The following TSPAN9 variants were observed in gnomAD, a reference collection of about 807,000 sequenced individuals.
TSPAN9 encodes the protein tetraspanin-9.
In TSPAN9, 16 loss-of-function variants were observed where a neutral mutation model predicts 31.0. The ratio of observed to expected loss-of-function variants is 0.52; its 90% CI spans 0.35 to 0.78. The LOEUF is 0.78. Among genes scored for constraint, TSPAN9 ranks in the 30% least tolerant of loss-of-function variants. TSPAN9 has a pLI of 0.01. For missense variants in TSPAN9, 272 were observed against 312.5 expected (o/e 0.87, Z 0.98); for synonymous variants, 145 against 121.6 (o/e 1.19, Z -1.27).
At chr12:3,203,144 C>T (rs1256031005) in intron 3 of TSPAN9, among the ~76,000 whole-genome samples, 1 of 152,066 alleles carries the variant, frequency 6.6e-6, no homozygotes, top group Non-Finnish European at 1.5e-5. Flanking sequence ...GCTCACTCCT[C>T]CCCACCCCCA....
At chr12:3,240,332 G>C (rs373573226) in intron 3 of TSPAN9, among the ~76,000 whole-genome samples, 1 of 140,122 alleles carries the variant, frequency 7.1e-6, no homozygotes, top group Non-Finnish European at 1.6e-5. Context: ...GAGGCCAGGT[G>C]GGGGAGCAGC....
rs1184208364 is a variant in TSPAN9 at position 3,280,857 on chromosome 12, G to A, written c.433-341G>A. On this transcript the variant is annotated intron_variant, in intron 6 of 8. Coordinates refer to ENST00000011898, the MANE Select transcript of TSPAN9 (RefSeq NM_006675.5). This position sits in a 1 kb window ranked among gnomAD's most constrained non-coding sequence, Gnocchi z 4.5. ...ATGCTCCCATTTTAAGCCCTGGGGA[G>A]GGGCCGGCAGGGGGTTGGGTGGCAG... 6.6e-6 allele frequency among the ~76,000 whole-genome samples: 1 copy of A among 152,214 alleles called. No homozygotes were observed. The highest frequency in any genetic ancestry group is 1.5e-5 in the Non-Finnish European group (1 of 68,042).
At chr12:3,151,836 T>C (rs2098339893) in intron 2 of TSPAN9, among the ~76,000 whole-genome samples, 1 of 149,718 alleles carries the variant, frequency 6.7e-6, no homozygotes, top group Non-Finnish European at 1.5e-5. Context: ...GGCAGGAGAG[T>C]CGCTTGAACC....
chr12:3,148,656 C>T (rs2098338445), intron 2 of TSPAN9, among the ~76,000 whole-genome samples: 1 of 152,220 alleles, frequency 6.6e-6, no homozygotes, highest in Admixed American at 6.5e-5. Flanking sequence ...TGAAAGGGAC[C>T]AGGAGGGACA....
intron 2 of TSPAN9, among the ~76,000 whole-genome samples, chr12:3,153,067 TGTG>T (rs372087469): frequency 1.3e-5 from 2 of 151,658 alleles, no homozygotes; most frequent in South Asian, 2.1e-4. Flanking sequence ...GTGTGTGGGG[TGTG>T]GTGGTGGTGG....
At chr12:3,206,499 C>A in intron 3 of TSPAN9, 1 of 332,906 alleles carries the variant, frequency 3.0e-6, no homozygotes, top group South Asian at 2.3e-5. Flanking sequence ...CTCCCCTCTA[C>A]ACCCACACAG....
intron 3 of TSPAN9, among the ~76,000 whole-genome samples, chr12:3,249,679 A>T (rs1170121696): frequency 6.6e-6 from 1 of 152,164 alleles, no homozygotes; most frequent in Non-Finnish European, 1.5e-5. Flanking sequence ...TTAGGGCTTC[A>T]CATATGTTTG....
chr12:3,111,596 G>A (rs1036749268), intron 2 of TSPAN9, among the ~76,000 whole-genome samples: 7 of 150,612 alleles, frequency 4.6e-5, no homozygotes, highest in Non-Finnish European at 3.0e-5. Context: ...CAGTGTTTAC[G>A]TGCATTACCT....
intron 2 of TSPAN9, chr12:3,149,857 T>C (rs1031219070): frequency 6.6e-6 from 1 of 152,274 alleles, no homozygotes; most frequent in Admixed American, 6.5e-5. Flanking sequence ...CACATGATTT[T>C]GATGCAAAGG....
In TSPAN9 at chr12:3,284,424, C is replaced by G. The variant is rs1862970305; in HGVS notation, c.*1308C>G. 6.6e-6 allele frequency: 1 copy of G among 152,360 alleles called. No homozygotes were observed. The allele number at this position is 152,360 out of a possible 1,614,324, so 9.4% of individuals were successfully genotyped here. A position where few individuals can be genotyped will look rare whatever the true frequency, so the allele number is the denominator to read the frequency against. The stretch of plus-strand genomic sequence containing the variant: ...CACCTGGGTCCCAAGATCTTCGCCT[C>G]CTTCCCTGGGGCCACGGACATCAGC... On this transcript the variant is annotated 3_prime_UTR_variant, in exon 9 of 9. Coordinates refer to ENST00000011898, the MANE Select transcript of TSPAN9 (RefSeq NM_006675.5).
intron 2 of TSPAN9, among the ~76,000 whole-genome samples, chr12:3,095,722 C>T: frequency 6.6e-6 from 1 of 152,142 alleles, no homozygotes; most frequent in Non-Finnish European, 1.5e-5. Context: ...AGGCGCTCCC[C>T]ACATCTCAGA....
chr12:3,218,283 C>T (rs112846135), intron 3 of TSPAN9, among the ~76,000 whole-genome samples: 3 of 152,332 alleles, frequency 2.0e-5, no homozygotes, highest in African/African-American at 7.2e-5. Flanking sequence ...AGTGAGCTCA[C>T]AGCTCTGAGT....
chr12:3,158,343 A>G (rs1727593467), intron 2 of TSPAN9, among the ~76,000 whole-genome samples: 2 of 152,066 alleles, frequency 1.3e-5, no homozygotes, highest in South Asian at 2.1e-4. Flanking sequence ...CCCTTTTCCT[A>G]TCTCAGATCT....
intron 2 of TSPAN9, among the ~76,000 whole-genome samples, chr12:3,136,997 T>C (rs983139761): frequency 1.3e-5 from 2 of 152,190 alleles, no homozygotes; most frequent in Non-Finnish European, 2.9e-5. Context: ...CATTGTGTGC[T>C]TGTGGTGGGA....
chr12:3,232,821 A>G (rs1217942296), intron 3 of TSPAN9, among the ~76,000 whole-genome samples: 3 of 152,214 alleles, frequency 2.0e-5, no homozygotes, highest in Non-Finnish European at 2.9e-5. Context: ...CTGCAGGTGT[A>G]CGTTCCCTGC....
At chr12:3,108,082 G>T (rs1445669413) in intron 2 of TSPAN9, among the ~76,000 whole-genome samples, 3 of 152,146 alleles carry the variant, frequency 2.0e-5, no homozygotes, top group African/African-American at 7.2e-5. Flanking sequence ...TGCCTTTCTT[G>T]TGTAACCCCA....
At chr12:3,099,835 C>A (rs1037924003) in intron 2 of TSPAN9, among the ~76,000 whole-genome samples, 87 of 150,044 alleles carry the variant, frequency 5.8e-4, no homozygotes, top group African/African-American at 2.0e-3. Context: ...TGAGGTCTGT[C>A]CACTCTTTTT....
chr12:3,178,393 C>A (rs1161124267), intron 2 of TSPAN9, among the ~76,000 whole-genome samples: 1 of 151,846 alleles, frequency 6.6e-6, no homozygotes, highest in Non-Finnish European at 1.5e-5. Context: ...TGGGTTCAAG[C>A]GATTCTCCTG....
At chr12:3,112,084 G>A (rs762369130) in intron 2 of TSPAN9, among the ~76,000 whole-genome samples, 1 of 150,204 alleles carries the variant, frequency 6.7e-6, no homozygotes, top group African/African-American at 2.5e-5. Context: ...GAATTTATCC[G>A]TTTCTTCTAG....
Sources: gnomAD v4.1 joint callset for allele counts (sites outside exome capture counted in the v4.1 genomes callset) on GRCh38, gnomAD v4.1.1 for gene constraint, Gnocchi (gnomAD v3.1) non-coding constraint, MANE v1.5 for transcripts, NCBI Gene and HGNC (gene_info 2026-07-23, HGNC 2026-07-21) for gene names.